Variants in SLC25A21 observed in about 807,000 individuals in gnomAD.
The protein encoded by SLC25A21 is solute carrier family 25 member 21, also known as mitochondrial 2-oxodicarboxylate carrier.
A neutral mutation model predicts 43.8 loss-of-function variants in SLC25A21; 47 were observed. The ratio of observed to expected loss-of-function variants is 1.07; its 90% CI spans 0.85 to 1.37. SLC25A21 has a LOEUF of 1.37. Ranked by LOEUF, SLC25A21 falls within the 40% of genes most tolerant of loss-of-function variation. The pLI is 0.00. For synonymous variants in SLC25A21, 131 were observed against 121.3 expected, an observed-to-expected ratio of 1.08 and a Z score of -0.52; for missense variants, 352 against 350.2, an observed-to-expected ratio of 1.00 and a Z score of -0.04.
At chr14:36,828,141 T>G (rs1888904696) in intron 2 of SLC25A21, among the ~76,000 whole-genome samples, 2 of 151,150 alleles carry the variant, frequency 1.3e-5, no homozygotes, top group Admixed American at 1.3e-4. Context: ...CTTCTGGAAC[T>G]GGGACTGAGG....
At chr14:36,949,362 T>A (rs946051204) in intron 1 of SLC25A21, among the ~76,000 whole-genome samples, 2 of 152,248 alleles carry the variant, frequency 1.3e-5, no homozygotes, top group Non-Finnish European at 1.5e-5. Context: ...TGTTTGTATG[T>A]ATCCCAATGA....
chr14:37,152,037 AAAT>A (rs1043330386), intron 1 of SLC25A21, among the ~76,000 whole-genome samples: 5 of 152,032 alleles, frequency 3.3e-5, no homozygotes, highest in Admixed American at 3.3e-4. Flanking sequence ...CCCATCTCAA[AAAT>A]AATAATAATA....
At chr14:36,832,621 T>C (rs1238001904) in intron 2 of SLC25A21, among the ~76,000 whole-genome samples, 2 of 152,178 alleles carry the variant, frequency 1.3e-5, no homozygotes, top group East Asian at 3.8e-4. Flanking sequence ...GATTTGGAAG[T>C]AACTAGAAAA....
intron 2 of SLC25A21, among the ~76,000 whole-genome samples, chr14:36,817,695 G>A (rs1170457946): frequency 6.6e-6 from 1 of 152,138 alleles, no homozygotes; most frequent in Non-Finnish European, 1.5e-5. Flanking sequence ...TTCCAGATGG[G>A]CCTGTGAACA....
At chr14:37,080,861 C>A (rs17106252) in intron 1 of SLC25A21, among the ~76,000 whole-genome samples, 16,346 of 152,126 alleles carry the variant, frequency 0.11, 2,846 homozygotes, top group African/African-American at 0.37. Flanking sequence ...AAATTCTTCC[C>A]AGATAACAGG....
chr14:36,993,338 C>T (rs1005223154), intron 1 of SLC25A21, among the ~76,000 whole-genome samples: 1 of 152,042 alleles, frequency 6.6e-6, no homozygotes, highest in Admixed American at 6.6e-5. Flanking sequence ...CGTTTCAAAG[C>T]CACGAGTTTT....
intron 1 of SLC25A21, among the ~76,000 whole-genome samples, chr14:36,929,040 T>C (rs558379060): frequency 6.6e-6 from 1 of 152,282 alleles, no homozygotes; most frequent in African/African-American, 2.4e-5. Context: ...TATGACTCCA[T>C]TGTGATATAA....
At chr14:36,862,111 C>T (rs751693049) in intron 2 of SLC25A21, among the ~76,000 whole-genome samples, 5 of 152,152 alleles carry the variant, frequency 3.3e-5, no homozygotes, top group Non-Finnish European at 5.9e-5. Context: ...CGGGAAACAA[C>T]ACATGCTGGA....
At chr14:36,817,643 C>T (rs1177193560) in intron 2 of SLC25A21, among the ~76,000 whole-genome samples, 2 of 152,166 alleles carry the variant, frequency 1.3e-5, no homozygotes, top group Non-Finnish European at 2.9e-5. Flanking sequence ...CTCAGCACTT[C>T]GGCTACCTCA....
chr14:37,033,755 T>TA (rs968461541), intron 1 of SLC25A21, among the ~76,000 whole-genome samples: 3 of 152,206 alleles, frequency 2.0e-5, no homozygotes, highest in African/African-American at 7.2e-5. Flanking sequence ...GTAGCTTGAC[T>TA]GGGAAGAGGG....
intron 1 of SLC25A21, among the ~76,000 whole-genome samples, chr14:37,031,078 A>G (rs1048361486): frequency 6.6e-6 from 1 of 152,240 alleles, no homozygotes; most frequent in Admixed American, 6.5e-5. Context: ...ACTCTAAAAC[A>G]GAGCAATTTC....
chr14:36,749,933 C>T (rs1885641223), intron 3 of SLC25A21, among the ~76,000 whole-genome samples: 1 of 152,068 alleles, frequency 6.6e-6, no homozygotes, highest in South Asian at 2.1e-4. Flanking sequence ...GATTTACTTG[C>T]TTATTTTATT....
intron 2 of SLC25A21, among the ~76,000 whole-genome samples, chr14:36,833,841 AT>A: frequency 6.6e-6 from 1 of 152,374 alleles, no homozygotes; most frequent in South Asian, 2.1e-4. Flanking sequence ...AACTTCCCCT[AT>A]TGAAAAATTA....
chr14:37,139,409 GAT>G (rs1209828346), intron 1 of SLC25A21, among the ~76,000 whole-genome samples: 23 of 151,966 alleles, frequency 1.5e-4, no homozygotes, highest in Admixed American at 3.9e-4. Flanking sequence ...AAGAGTAAGA[GAT>G]ATATTTCGTT....
chr14:36,980,798 A>C (rs1401372689), intron 1 of SLC25A21, among the ~76,000 whole-genome samples: 1 of 152,248 alleles, frequency 6.6e-6, no homozygotes. Context: ...TTTCATGACT[A>C]AAACACCAAA....
intron 1 of SLC25A21, among the ~76,000 whole-genome samples, chr14:36,989,936 A>T (rs1157188146): frequency 6.6e-6 from 1 of 152,314 alleles, no homozygotes; most frequent in African/African-American, 2.4e-5. Flanking sequence ...CCAAGAAAAA[A>T]ATCATCATTG....
chr14:36,902,296 A>G (rs1891416727), intron 1 of SLC25A21, among the ~76,000 whole-genome samples: 2 of 152,180 alleles, frequency 1.3e-5, no homozygotes, highest in South Asian at 4.1e-4. Flanking sequence ...TGTCCTTGCC[A>G]GTCACAGTCT....
intron 6 of SLC25A21, chr14:36,725,162 T>G (rs1884541776): frequency 6.6e-6 from 1 of 152,494 alleles, no homozygotes; most frequent in Non-Finnish European, 1.5e-5. Flanking sequence ...TGCCCATTGT[T>G]TCACATGCAC....
At chr14:36,701,127 C>T (rs1193011078) in intron 7 of SLC25A21, among the ~76,000 whole-genome samples, 1 of 152,158 alleles carries the variant, frequency 6.6e-6, no homozygotes, top group African/African-American at 2.4e-5. Flanking sequence ...TTGTTTTGTT[C>T]ATAAACTTTG....
Sources: allele counts gnomAD v4.1 joint callset (sites outside exome capture counted in the v4.1 genomes callset), GRCh38; gene constraint gnomAD v4.1.1; transcripts MANE v1.5; gene names NCBI Gene and HGNC (gene_info 2026-07-23, HGNC 2026-07-21).